Variants in CDC14B observed in about 807,000 individuals in gnomAD.
CDC14B encodes dual specificity protein phosphatase CDC14B.
In CDC14B, 22 loss-of-function variants were observed where a neutral mutation model predicts 64.2. The ratio of observed to expected loss-of-function variants is 0.34; its 90% CI spans 0.24 to 0.49. The LOEUF (loss-of-function observed/expected upper bound fraction) is 0.49. Ranked by LOEUF, CDC14B falls within the 20% of genes least tolerant of loss-of-function variation. The pLI, the probability that CDC14B is intolerant of heterozygous loss-of-function variation, is 0.99. For synonymous variants in CDC14B, 191 were observed against 215.8 expected, an observed-to-expected ratio of 0.89 and a Z score of 1.01; for missense variants, 498 against 629.9, an observed-to-expected ratio of 0.79 and a Z score of 2.24.
Position 96,619,372 on chromosome 9 carries a change from G to A in CDC14B, c.7C>T (p.Arg3Trp). Reference sequence around the variant, plus strand: ...CAGCTCGACCGCCGCTCGCTTTTCCGCTTCATGGAGGCGGCCGCGGCCCGT... The same window carrying A: ...CAGCTCGACCGCCGCTCGCTTTTCCACTTCATGGAGGCGGCCGCGGCCCGT... The part of the protein sequence containing the change: MK[R>W]KSERRSSWAA... The change falls in exon 1 of 14, where the codon CGG becomes TGG. Residue 3 changes from arginine to tryptophan, a missense_variant. By Grantham distance (101) the Arg-to-Trp change is moderately radical (BLOSUM62 -3). Coordinates refer to ENST00000375241, the MANE Select transcript of CDC14B (RefSeq NM_033331.4). 1 of 1,215,090 alleles carries A rather than the reference G, an allele frequency of 8.2e-7. No homozygotes were observed. The highest frequency in any genetic ancestry group is 1.0e-6 in the Non-Finnish European group (1 of 975,676). The allele number at this position is 1,215,090 out of a possible 1,614,324, so 75.3% of individuals were successfully genotyped here.
chr9:96,495,520 C>T (rs186632225), downstream of CDC14B, among the ~76,000 whole-genome samples: 41 of 152,162 alleles, frequency 2.7e-4, no homozygotes, highest in Admixed American at 2.4e-3. Flanking sequence ...ATACTGGCCA[C>T]GGGTCTTGCG....
chr9:96,537,161 C>T (rs548029296), intron 7 of CDC14B, among the ~76,000 whole-genome samples: 3 of 152,076 alleles, frequency 2.0e-5, no homozygotes, highest in Admixed American at 6.5e-5. Context: ...CATGGTGGCA[C>T]GTGCCTGTAG....
chr9:96,555,671 C>G (rs1004410471), intron 4 of CDC14B, among the ~76,000 whole-genome samples: 8 of 152,184 alleles, frequency 5.3e-5, no homozygotes, highest in African/African-American at 1.9e-4. Context: ...TAGGAGGCAT[C>G]AGTAAGACCT....
chr9:96,619,468 T>TCGGGGCGGCGGGCGCAGAG lies in CDC14B; in HGVS notation c.-109_-91dup. 1 of 733,924 alleles carries TCGGGGCGGCGGGCGCAGAG rather than the reference T, an allele frequency of 1.4e-6. No homozygotes were observed. Among genetic ancestry groups the TCGGGGCGGCGGGCGCAGAG allele is most frequent in the Non-Finnish European group, 1.7e-6 (1 of 604,060 alleles). The allele number at this position is 733,924 out of a possible 1,614,324, so 45.5% of individuals were successfully genotyped here. On this transcript the variant is annotated 5_prime_UTR_variant, in exon 1 of 14. An upstream open reading frame in the 5' UTR gains an earlier in-frame stop. Coordinates refer to ENST00000375241, the MANE Select transcript of CDC14B (RefSeq NM_033331.4). ...GCTCCCGCCAGCCCCGCGCGGGCGC[T>TCGGGGCGGCGGGCGCAGAG]CGGGGCGGCGGGCGCAGAGCGGCGC...
At chr9:96,522,735 A>G (rs1283027550) in intron 11 of CDC14B, 132 bp from the exon 12 acceptor site, 2 of 644,646 alleles carry the variant, frequency 3.1e-6, no homozygotes, top group Non-Finnish European at 5.5e-6. Flanking sequence ...CCCTTTCACA[A>G]TCAAGCTTCA....
rs141394759 is a variant in CDC14B at position 96,544,777 on chromosome 9, G to A, written c.498-2885C>T. 9.8e-5 allele frequency among the ~76,000 whole-genome samples: 15 copies of A among 152,288 alleles called. No individual in the cohort carries two copies. The East Asian group carries it at 2.9e-3, about 29-fold the overall frequency. On this transcript the variant is annotated intron_variant, in intron 5 of 13. Transcript: ENST00000375241. ...CTCCCAAAGTGCTGGGATTACAGGT[G>A]TGAGCCACTGCGTTCAGCCAACACA...
rs1833688594 is a variant in CDC14B, at chr9:96,502,960, A to C, written c.*793T>G. 2.5e-6 allele frequency: 1 copy of C among 398,070 alleles called. No homozygotes were observed. Among genetic ancestry groups the C allele is most frequent in the East Asian group, 3.6e-5 (1 of 28,066 alleles). 24.7% of individuals were successfully genotyped at this position (398,070 alleles called of 1,614,324 possible). Reference sequence around the variant, plus strand: ...GGAAGGAAATATGATTTTAATTTGTATGACTGGCAACCAAACAATGGGCAG... The same window carrying C: ...GGAAGGAAATATGATTTTAATTTGTCTGACTGGCAACCAAACAATGGGCAG... On this transcript the variant is annotated 3_prime_UTR_variant, in exon 14 of 14. Transcript: ENST00000375241.
chr9:96,591,851 T>C lies in CDC14B; in HGVS notation c.161-26368A>G, dbSNP rs183745120. 5.0e-3 allele frequency among the ~76,000 whole-genome samples: 754 copies of C among 151,172 alleles called. 7 individuals carry two copies. The highest frequency in any genetic ancestry group is 0.017 in the African/African-American group (696 of 41,184). On this transcript the variant is annotated intron_variant, in intron 1 of 13. Transcript: ENST00000375241. ...AGCTCCGCCTCCCGGGTTCACGCCA[T>C]TCTCCTGACTCAGCCTTCCGAGTAG...
chr9:96,618,977 A>T (rs1326904841), intron 1 of CDC14B, among the ~76,000 whole-genome samples: 2 of 151,014 alleles, frequency 1.3e-5, no homozygotes, highest in East Asian at 4.0e-4. Context: ...TTGCTGGTGG[A>T]GGAGGGTGCA....
chr9:96,534,604 C>A, intron 7 of CDC14B, 62 bp from the exon 8 acceptor site: 1 of 1,089,720 alleles, frequency 9.2e-7, no homozygotes, highest in South Asian at 1.3e-5. Context: ...CCTCTCTACT[C>A]AAGACTGAGT....
At chr9:96,594,124 C>G (rs1346548640) in intron 1 of CDC14B, among the ~76,000 whole-genome samples, 3 of 152,112 alleles carry the variant, frequency 2.0e-5, no homozygotes, top group Non-Finnish European at 4.4e-5. Context: ...GACTGGATAT[C>G]AAGCAATGAA....
chr9:96,585,677 G>A (rs1158658946), intron 1 of CDC14B, among the ~76,000 whole-genome samples: 2 of 152,096 alleles, frequency 1.3e-5, no homozygotes, highest in African/African-American at 4.8e-5. Flanking sequence ...AATGTAAAAT[G>A]GTATGTAGAC....
intron 9 of CDC14B, among the ~76,000 whole-genome samples, chr9:96,532,715 A>G (rs923863352): frequency 1.3e-5 from 2 of 152,130 alleles, no homozygotes; most frequent in Non-Finnish European, 2.9e-5. Context: ...ACACGCACTG[A>G]TTCTTCTGCC....
chr9:96,491,191 C>A (rs1014512216), exon 14 of CDC14B: 1 of 152,246 alleles, frequency 6.6e-6, no homozygotes, highest in African/African-American at 2.4e-5. Flanking sequence ...GTACTGTCTG[C>A]CTGTTGTCAC....
At chr9:96,516,753 G>T (rs995157642) in intron 12 of CDC14B, among the ~76,000 whole-genome samples, 3 of 152,054 alleles carry the variant, frequency 2.0e-5, no homozygotes, top group Non-Finnish European at 4.4e-5. Flanking sequence ...TGGGATTATA[G>T]GCGTGAGCCA....
At chr9:96,595,145 G>A (rs983442493) in intron 1 of CDC14B, among the ~76,000 whole-genome samples, 20 of 152,102 alleles carry the variant, frequency 1.3e-4, no homozygotes, top group South Asian at 2.1e-4. Context: ...GCGAGATTCC[G>A]TCTCAAAAAG....
chr9:96,499,609 A>T (rs1260426510), downstream of CDC14B, among the ~76,000 whole-genome samples: 2 of 152,190 alleles, frequency 1.3e-5, no homozygotes, highest in African/African-American at 4.8e-5. Flanking sequence ...TGGCAGCAGG[A>T]GCCCCCTGTC....
At chr9:96,606,527 TTGTGTGTGTGTG>T (rs376059971) in intron 1 of CDC14B, among the ~76,000 whole-genome samples, 340 of 112,850 alleles carry the variant, frequency 3.0e-3, no homozygotes, top group African/African-American at 6.7e-3. Flanking sequence ...TACTAAAAGT[TTGTGTGTGTGTG>T]TGTGTGTGTG....
chr9:96,595,942 T>C (rs1846043012), intron 1 of CDC14B, among the ~76,000 whole-genome samples: 1 of 152,200 alleles, frequency 6.6e-6, no homozygotes, highest in South Asian at 2.1e-4. Flanking sequence ...TAAAAATATT[T>C]AAAGTTAAAT....
Sources: allele counts gnomAD v4.1 joint callset (sites outside exome capture counted in the v4.1 genomes callset), GRCh38; gene constraint gnomAD v4.1.1; transcripts MANE v1.5; gene names NCBI Gene and HGNC (gene_info 2026-07-23, HGNC 2026-07-21).